The following FXYD6 variants were observed in gnomAD, a reference collection of about 807,000 sequenced individuals.
FXYD6 encodes the protein FXYD domain containing ion transport regulator 6.
In FXYD6, 7 loss-of-function variants were observed where a neutral mutation model predicts 16.7. The observed-to-expected ratio is 0.42, with a 90% confidence interval of 0.24 to 0.79. The LOEUF is 0.79. FXYD6 is among the 30% of genes least tolerant of loss of function. The probability of loss-of-function intolerance (pLI) is 0.28; values close to 1 mark genes in which losing one functional copy is unlikely to be tolerated. For missense variants in FXYD6, 111 were observed against 116.2 expected (o/e 0.95, Z 0.21); for synonymous variants, 49 against 43.0 (o/e 1.14, Z -0.54).
intron 5 of FXYD6, among the ~76,000 whole-genome samples, chr11:117,840,903 G>T (rs138978883): frequency 4.1e-4 from 63 of 152,148 alleles, no homozygotes; most frequent in African/African-American, 1.5e-3. Flanking sequence ...GTACTTTCTT[G>T]TCCACTCCCC....
intron 6 of FXYD6, 104 bp downstream of exon 6, chr11:117,840,215 G>C (rs1050697832): frequency 4.7e-6 from 7 of 1,483,342 alleles, no homozygotes; most frequent in Non-Finnish European, 6.6e-6. Context: ...CACTGCGGGA[G>C]CATGTCTGGC....
At chr11:117,873,351 T>A (rs958972845) in intron 1 of FXYD6, among the ~76,000 whole-genome samples, 1 of 152,214 alleles carries the variant, frequency 6.6e-6, no homozygotes, top group African/African-American at 2.4e-5. Flanking sequence ...TTGGAAATCA[T>A]GAGTCTAAAC....
At chr11:117,859,978 T>C (rs1732866410) in intron 1 of FXYD6, among the ~76,000 whole-genome samples, 1 of 152,156 alleles carries the variant, frequency 6.6e-6, no homozygotes, top group Non-Finnish European at 1.5e-5. Context: ...CTTGCTCCCC[T>C]GTGTGAGAGA....
At chr11:117,849,729 T>G (rs1045572684) in intron 1 of FXYD6, among the ~76,000 whole-genome samples, 3 of 152,138 alleles carry the variant, frequency 2.0e-5, no homozygotes, top group Non-Finnish European at 4.4e-5. Context: ...CCTTTTTCCA[T>G]GAAGCTGAAG....
At chr11:117,861,466 G>C (rs1361632477) in intron 1 of FXYD6, among the ~76,000 whole-genome samples, 4 of 152,210 alleles carry the variant, frequency 2.6e-5, no homozygotes, top group Admixed American at 2.6e-4. Context: ...CCCTTCCCGA[G>C]TCTGGCTCTG....
At chr11:117,840,527 G>A (rs924373783) in intron 5 of FXYD6, among the ~76,000 whole-genome samples, 159 bp from the exon 6 acceptor site, 1 of 152,184 alleles carries the variant, frequency 6.6e-6, no homozygotes, top group Non-Finnish European at 1.5e-5. Flanking sequence ...ATGGGACAGA[G>A]GGAAAGGTCT....
In FXYD6 at chr11:117,838,041, TCACACACA is replaced by T. The variant is rs57385031; in HGVS notation, c.*250_*257del. 6.8e-6 allele frequency: 4 copies of T among 590,998 alleles called. No individual in the cohort carries two copies. Among genetic ancestry groups the T allele is most frequent in the Admixed American group, 5.4e-5 (2 of 36,886 alleles). The allele number at this position is 590,998 out of a possible 1,614,324, so 36.6% of individuals were successfully genotyped here. ...GACCACAGTTAGCAAACACACACAG[TCACACACA>T]CACACACACACACACACATCACGGG... On this transcript the variant is annotated 3_prime_UTR_variant, in exon 8 of 8. Coordinates refer to ENST00000526014, the MANE Select transcript of FXYD6 (RefSeq NM_022003.4).
chr11:117,868,105 T>C (rs1431358424), intron 1 of FXYD6, among the ~76,000 whole-genome samples: 1 of 152,246 alleles, frequency 6.6e-6, no homozygotes, highest in East Asian at 1.9e-4. Flanking sequence ...TAGCACATTC[T>C]GTTTCATGCT....
intron 1 of FXYD6, among the ~76,000 whole-genome samples, chr11:117,851,425 T>A (rs2056608788): frequency 6.6e-6 from 1 of 152,222 alleles, no homozygotes; most frequent in African/African-American, 2.4e-5. Flanking sequence ...CAGCCTGCCA[T>A]GAACCACATA....
intron 1 of FXYD6, among the ~76,000 whole-genome samples, chr11:117,847,827 G>C (rs111929660): frequency 1.3e-5 from 2 of 152,106 alleles, no homozygotes; most frequent in Non-Finnish European, 2.9e-5. Flanking sequence ...ATAAACATAC[G>C]TGTGCATGTG....
intron 1 of FXYD6, among the ~76,000 whole-genome samples, chr11:117,853,729 G>A (rs2056660208): frequency 6.6e-6 from 1 of 152,154 alleles, no homozygotes; most frequent in East Asian, 1.9e-4. Context: ...CTGACCTCAA[G>A]TGATCCTTCT....
At chr11:117,842,132 A>G in intron 2 of FXYD6, 104 bp from the exon 3 acceptor site, 4 of 1,558,006 alleles carry the variant, frequency 2.6e-6, no homozygotes, top group Non-Finnish European at 3.5e-6. Context: ...GGAATTCCAG[A>G]GGAGCAGGGC....
At chr11:117,869,638 C>A (rs1056437563) in intron 1 of FXYD6, among the ~76,000 whole-genome samples, 2 of 151,526 alleles carry the variant, frequency 1.3e-5, no homozygotes, top group Non-Finnish European at 2.9e-5. Context: ...ACATGAAGTT[C>A]TTTCTAGGGA....
chr11:117,862,003 C>T (rs7103567), intron 1 of FXYD6, among the ~76,000 whole-genome samples: 71,210 of 152,122 alleles, frequency 0.47, 17,429 homozygotes, highest in East Asian at 0.72. Context: ...TGAGGGCACC[C>T]CCACGAGAGA....
intron 1 of FXYD6, among the ~76,000 whole-genome samples, chr11:117,846,197 C>G (rs1190145839): frequency 6.6e-6 from 1 of 152,082 alleles, no homozygotes; most frequent in Non-Finnish European, 1.5e-5. Flanking sequence ...ACTTTTTTCT[C>G]TGTGTTTATT....
At chr11:117,865,787 C>T (rs2057000426) in intron 1 of FXYD6, among the ~76,000 whole-genome samples, 1 of 152,078 alleles carries the variant, frequency 6.6e-6, no homozygotes, top group Non-Finnish European at 1.5e-5. Context: ...ATTAGCCGGG[C>T]GTGGTGGTGC....
rs773391190 is a variant in FXYD6 at position 117,839,768 on chromosome 11, C to A, written c.*21+13G>T. The A allele has an allele frequency of 2.5e-6, 4 of 1,614,224 alleles. No individual in the cohort carries two copies. Among genetic ancestry groups the A allele is most frequent in the Non-Finnish European group, 3.4e-6 (4 of 1,180,030 alleles). On this transcript the variant is annotated intron_variant, in intron 7 of 7. Transcript: ENST00000526014. ...ATGGCAACAGGGGCCAATCCAGGCA[C>A]TGAGCATCTCACCTTCCACCTGATG...
In FXYD6 at chr11:117,858,675, CTT is replaced by C. The variant is rs765596047; in HGVS notation, c.-5-15896_-5-15895del. On this transcript the variant is annotated intron_variant, in intron 1 of 7. Transcript: ENST00000526014. ...TCTTTCTTTCTTTCTTTCTTTCTTT[CTT>C]TCTTTCTTTCTTTCTTTCTTTCTTT... Among the ~76,000 whole-genome samples, 194 of 86,218 alleles carry C rather than the reference CTT, an allele frequency of 2.3e-3. 1 individual carries two copies. Among genetic ancestry groups the C allele is most frequent in the Middle Eastern group, 0.014 (3 of 218 alleles). 56.6% of individuals were successfully genotyped at this position (86,218 alleles called of 152,430 possible). A position where few individuals can be genotyped will look rare whatever the true frequency, so the allele number is the denominator to read the frequency against.
intron 1 of FXYD6, among the ~76,000 whole-genome samples, chr11:117,849,785 A>G (rs938092633): frequency 1.8e-4 from 27 of 152,254 alleles, no homozygotes; most frequent in African/African-American, 6.5e-4. Context: ...TCGCCACTGC[A>G]TGCTGAAACT....
Sources: allele counts gnomAD v4.1 joint callset (sites outside exome capture counted in the v4.1 genomes callset), GRCh38; gene constraint gnomAD v4.1.1; transcripts MANE v1.5; gene names NCBI Gene and HGNC (gene_info 2026-07-23, HGNC 2026-07-21).